KCNJ6: variants seen among roughly 807,000 people sequenced by gnomAD.
KCNJ6 encodes G protein-activated inward rectifier potassium channel 2.
Under a neutral mutation model 34.2 loss-of-function variants are expected in KCNJ6, and 9 were observed. The observed-to-expected ratio is 0.26, with a 90% confidence interval of 0.16 to 0.46. KCNJ6 has a LOEUF of 0.46. KCNJ6 is among the 20% of genes least tolerant of loss of function. The pLI is 1.00. For synonymous variants in KCNJ6, 196 were observed against 207.1 expected (o/e 0.95, Z 0.46); for missense variants, 236 against 531.3 (o/e 0.44, Z 5.46).
rs537388339 is a variant in KCNJ6, at chr21:37,689,585, T to G, written c.946+24626A>C. Reference sequence around the variant, plus strand: ...CTCATTCTTAATACATACTAGGCACTCAGTAAATTTCTATCTTCTCTCTCT... The same window carrying G: ...CTCATTCTTAATACATACTAGGCACGCAGTAAATTTCTATCTTCTCTCTCT... On this transcript the variant is annotated intron_variant, in intron 3 of 3. Coordinates refer to ENST00000609713, the MANE Select transcript of KCNJ6 (RefSeq NM_002240.5). Among the ~76,000 whole-genome samples the G allele has an allele frequency of 8.5e-4, 129 of 152,106 alleles. 1 individual carries two copies. The highest frequency in any genetic ancestry group is 1.5e-3 in the Non-Finnish European group (99 of 68,016).
intron 1 of KCNJ6, among the ~76,000 whole-genome samples, chr21:37,900,160 T>A (rs922514089): frequency 2.0e-5 from 3 of 152,232 alleles, no homozygotes; most frequent in Non-Finnish European, 4.4e-5. Flanking sequence ...CTACCCTTTT[T>A]ACCCAGCAAT....
intron 3 of KCNJ6, among the ~76,000 whole-genome samples, chr21:37,628,985 C>G (rs767697550): frequency 6.6e-6 from 1 of 152,006 alleles, no homozygotes; most frequent in African/African-American, 2.4e-5. Flanking sequence ...ATTCCATGAA[C>G]AAAAATGGAG....
chr21:37,800,372 T>C (rs2055263309), intron 2 of KCNJ6, among the ~76,000 whole-genome samples: 1 of 152,164 alleles, frequency 6.6e-6, no homozygotes, highest in Admixed American at 6.5e-5. Flanking sequence ...ACAATGAAAA[T>C]GTCCAGTGTT....
chr21:37,638,208 G>A (rs929061542), intron 3 of KCNJ6, among the ~76,000 whole-genome samples: 8 of 152,274 alleles, frequency 5.3e-5, no homozygotes, highest in Non-Finnish European at 7.4e-5. Context: ...GTGCAGTGAC[G>A]TGATCTCAGC....
rs60672862 is a variant in KCNJ6 at position 37,654,414 on chromosome 21, TA to T, written c.947-28931del. On this transcript the variant is annotated intron_variant, in intron 3 of 3. Coordinates refer to ENST00000609713, the MANE Select transcript of KCNJ6 (RefSeq NM_002240.5). ...ATCTCTCTGCTGTCTTGACATTTGG[TA>T]AAAAAAAAAAAAATGTTTTGGCATT... Among the ~76,000 whole-genome samples, 830 of 145,224 alleles carry T rather than the reference TA, an allele frequency of 5.7e-3. 3 individuals are homozygous for T. The highest frequency in any genetic ancestry group is 0.012 in the African/African-American group (490 of 39,668).
chr21:37,637,427 G>A (rs956738177), intron 3 of KCNJ6, among the ~76,000 whole-genome samples: 2 of 151,658 alleles, frequency 1.3e-5, no homozygotes, highest in African/African-American at 4.9e-5. Context: ...GATCCTACAT[G>A]TGTACTCCTA....
intron 1 of KCNJ6, among the ~76,000 whole-genome samples, chr21:37,842,739 T>C (rs2123580422): frequency 6.6e-6 from 1 of 152,268 alleles, no homozygotes; most frequent in Middle Eastern, 3.4e-3. Flanking sequence ...CTTACCACAA[T>C]GCCGGTTCAT....
At chr21:37,861,476 A>G (rs1601506098) in intron 1 of KCNJ6, among the ~76,000 whole-genome samples, 1 of 152,170 alleles carries the variant, frequency 6.6e-6, no homozygotes. Context: ...TAAAGGCTCT[A>G]TCTCCAAATA....
intron 3 of KCNJ6, among the ~76,000 whole-genome samples, chr21:37,659,017 G>C (rs764415146): frequency 2.0e-5 from 3 of 152,210 alleles, no homozygotes; most frequent in Admixed American, 6.5e-5. Flanking sequence ...CTCCTAACTC[G>C]TTTCTCAAAC....
chr21:37,837,409 G>A (rs896239473), intron 2 of KCNJ6, among the ~76,000 whole-genome samples: 6 of 152,194 alleles, frequency 3.9e-5, no homozygotes, highest in South Asian at 2.1e-4. Flanking sequence ...AAAAATGATC[G>A]AAGTTGACTT....
At chr21:37,823,690 C>A (rs2055385079) in intron 2 of KCNJ6, among the ~76,000 whole-genome samples, 1 of 152,218 alleles carries the variant, frequency 6.6e-6, no homozygotes, top group East Asian at 1.9e-4. Context: ...CCTCCCCAGC[C>A]ATGTGGAACT....
At chr21:37,858,955 A>G (rs2055578966) in intron 1 of KCNJ6, among the ~76,000 whole-genome samples, 1 of 152,204 alleles carries the variant, frequency 6.6e-6, no homozygotes, top group Non-Finnish European at 1.5e-5. Context: ...ACTTTATGGT[A>G]GGGAGACAAA....
intron 3 of KCNJ6, among the ~76,000 whole-genome samples, chr21:37,635,078 A>T (rs542333938): frequency 3.9e-5 from 6 of 152,030 alleles, no homozygotes; most frequent in East Asian, 1.9e-4. Context: ...GGTTTTTTTT[A>T]AAGAAAGCAA....
rs60814205 is a variant in KCNJ6, at chr21:37,858,392, C to CAAAAAAAAAAAAAAAAAAA, written c.-27-17702_-27-17684dup. On this transcript the variant is annotated intron_variant, in intron 1 of 3. Transcript: ENST00000609713. Reference sequence around the variant, plus strand: ...TGGGCGACAGAGCAAGACTCCGTCTCAAAAAAAAAAAAAAAAAAAAAAAAA... The same window carrying CAAAAAAAAAAAAAAAAAAA: ...TGGGCGACAGAGCAAGACTCCGTCTCAAAAAAAAAAAAAAAAAAAAAAAAAAAAAAAAAAAAAAAAAAAA... 3.7e-5 allele frequency among the ~76,000 whole-genome samples: 2 copies of CAAAAAAAAAAAAAAAAAAA among 54,500 alleles called. 1 individual carries two copies. The highest frequency in any genetic ancestry group is 1.5e-4 in the African/African-American group (2 of 13,352). The allele number at this position is 54,500 out of a possible 152,430, so 35.8% of individuals were successfully genotyped here. A position where few individuals can be genotyped will look rare whatever the true frequency, so the allele number is the denominator to read the frequency against.
intron 2 of KCNJ6, among the ~76,000 whole-genome samples, chr21:37,811,403 C>T (rs1232920345): frequency 6.6e-6 from 1 of 152,120 alleles, no homozygotes; most frequent in Non-Finnish European, 1.5e-5. Flanking sequence ...GGAGGATGTC[C>T]AGGACTTGTG....
chr21:37,817,952 T>C (rs1346798965), intron 2 of KCNJ6, among the ~76,000 whole-genome samples: 2 of 152,212 alleles, frequency 1.3e-5, no homozygotes, highest in East Asian at 3.9e-4. Flanking sequence ...CTAGACAAAC[T>C]GGATATTGGC....
At chr21:37,903,804 C>T (rs975372731) in intron 1 of KCNJ6, among the ~76,000 whole-genome samples, 2 of 152,016 alleles carry the variant, frequency 1.3e-5, no homozygotes, top group Non-Finnish European at 2.9e-5. Flanking sequence ...AAATGAACTG[C>T]AACAATACTT....
chr21:37,720,244 A>C (rs549999380), intron 2 of KCNJ6, among the ~76,000 whole-genome samples: 2 of 152,330 alleles, frequency 1.3e-5, no homozygotes, highest in Admixed American at 1.3e-4. Context: ...TGATTTAAGA[A>C]ATGTATCACA....
chr21:37,731,180 T>A (rs540557409), intron 2 of KCNJ6, among the ~76,000 whole-genome samples: 1 of 152,100 alleles, frequency 6.6e-6, no homozygotes, highest in South Asian at 2.1e-4. Context: ...ACAAGAAGAA[T>A]CTTGCCTCAC....
Sources: allele counts gnomAD v4.1 joint callset (sites outside exome capture counted in the v4.1 genomes callset), GRCh38; gene constraint gnomAD v4.1.1; transcripts MANE v1.5; gene names NCBI Gene and HGNC (gene_info 2026-07-23, HGNC 2026-07-21).